The following CDH12 variants were observed in gnomAD, a reference collection of about 807,000 sequenced individuals.
The protein encoded by CDH12 is cadherin-12.
Under a neutral mutation model 74.1 loss-of-function variants are expected in CDH12, and 41 were observed. The ratio of observed to expected loss-of-function variants is 0.55; its 90% CI spans 0.43 to 0.72. The LOEUF (loss-of-function observed/expected upper bound fraction) is 0.72. Among genes scored for constraint, CDH12 ranks in the 30% least tolerant of loss-of-function variants. The probability of loss-of-function intolerance (pLI) is 0.00; values close to 1 mark genes in which losing one functional copy is unlikely to be tolerated. For synonymous variants in CDH12, 399 were observed against 355.0 expected (o/e 1.12, Z -1.39); for missense variants, 945 against 977.2 (o/e 0.97, Z 0.44).
chr5:22,049,787 TC>T (rs1227110204), intron 5 of CDH12, among the ~76,000 whole-genome samples: 1 of 152,054 alleles, frequency 6.6e-6, no homozygotes, highest in African/African-American at 2.4e-5. Flanking sequence ...ATCATCCCCT[TC>T]TTTTGAGAGA....
intron 1 of CDH12, among the ~76,000 whole-genome samples, chr5:22,511,503 C>CA (rs1234656705): frequency 1.3e-5 from 2 of 151,766 alleles, no homozygotes; most frequent in Non-Finnish European, 1.5e-5. Flanking sequence ...CAGAGAAATC[C>CA]AAAAAAAGCA....
chr5:22,585,238 C>T (rs1277233694), intron 1 of CDH12, among the ~76,000 whole-genome samples: 2 of 152,136 alleles, frequency 1.3e-5, no homozygotes, highest in Non-Finnish European at 2.9e-5. Context: ...ACTATGTCTT[C>T]CATTGTTGCT....
chr5:22,457,461 C>T (rs1745326795), intron 2 of CDH12, among the ~76,000 whole-genome samples: 1 of 151,776 alleles, frequency 6.6e-6, no homozygotes, highest in African/African-American at 2.4e-5. Context: ...TCTCTGTGGC[C>T]CAGGCTGGAG....
intron 4 of CDH12, among the ~76,000 whole-genome samples, chr5:22,107,133 CT>C (rs562097009): frequency 0.024 from 3,325 of 138,772 alleles, 40 homozygotes; most frequent in African/African-American, 0.041. Context: ...CACATTTCTA[CT>C]TTTTTTTTTT....
In CDH12 at chr5:21,823,267, T is replaced by C. The variant is rs554343564; in HGVS notation, c.815-6135A>G. On this transcript the variant is annotated intron_variant, in intron 8 of 14. Coordinates refer to ENST00000382254, the MANE Select transcript of CDH12 (RefSeq NM_004061.5). ...AGAATCCGAGCTGAGACAATACCAT[T>C]GGGTTCTGTGAGGTCAGCTAATAGA... is the stretch of plus-strand genomic sequence containing the variant. Among the ~76,000 whole-genome samples the C allele has an allele frequency of 2.0e-5, 3 of 152,100 alleles. No individual in the cohort carries two copies. In the South Asian group the frequency reaches 6.2e-4, roughly 31 times the overall value.
rs563179062 is a variant in CDH12, at chr5:21,842,309, C to T, written c.666G>A (p.Leu222=). 1.2e-5 allele frequency: 20 copies of T among 1,610,374 alleles called. No homozygotes were observed. Among genetic ancestry groups the T allele is most frequent in the African/African-American group, 2.7e-5 (2 of 74,872 alleles). The change falls in exon 8 of 15, where the codon TTG becomes TTA. Residue 222 remains leucine, a synonymous_variant. Transcript: ENST00000382254. The part of the protein sequence containing the change: ...DPKTGVIRTA[L]PNMDREVKEQ... ...CTTTGACTTCTCTGTCCATGTTTGGCAAAGCTGTTCTAATAACACCTTAAG... is the reference window on the plus strand; with the variant it reads ...CTTTGACTTCTCTGTCCATGTTTGGTAAAGCTGTTCTAATAACACCTTAAG...
At chr5:22,180,673 T>C (rs1349085225) in intron 4 of CDH12, among the ~76,000 whole-genome samples, 1 of 151,900 alleles carries the variant, frequency 6.6e-6, no homozygotes, top group Admixed American at 6.6e-5. Context: ...CCACAATGCC[T>C]GGCTAACTTT....
chr5:22,507,884 C>T (rs562405344), intron 1 of CDH12, among the ~76,000 whole-genome samples: 96 of 152,304 alleles, frequency 6.3e-4, no homozygotes, highest in Non-Finnish European at 1.1e-3. Flanking sequence ...CCATTTCTCG[C>T]CTCTTCCAGC....
chr5:21,968,897 G>A (rs1862533), intron 6 of CDH12, among the ~76,000 whole-genome samples: 2 of 151,806 alleles, frequency 1.3e-5, no homozygotes, highest in African/African-American at 2.4e-5. Context: ...CAAACACCAC[G>A]TGTTGTCTCT....
chr5:22,765,283 G>A (rs955088438), intron 1 of CDH12, among the ~76,000 whole-genome samples: 2 of 151,626 alleles, frequency 1.3e-5, no homozygotes, highest in East Asian at 1.9e-4. Flanking sequence ...TAAACCAAGG[G>A]GTGAATAAAA....
chr5:21,760,440 T>C (rs1744653148), intron 13 of CDH12, 118 bp downstream of exon 13: 3 of 667,624 alleles, frequency 4.5e-6, no homozygotes, highest in South Asian at 3.5e-5. Flanking sequence ...GCCTTTCTCA[T>C]GTAAGGATCT....
intron 1 of CDH12, among the ~76,000 whole-genome samples, chr5:22,581,172 G>A (rs1440180865): frequency 6.6e-6 from 1 of 152,202 alleles, no homozygotes; most frequent in Non-Finnish European, 1.5e-5. Flanking sequence ...GCATGTCAGA[G>A]GTCTTCACTG....
intron 1 of CDH12, among the ~76,000 whole-genome samples, chr5:22,795,326 G>C (rs1004452991): frequency 3.9e-5 from 6 of 152,178 alleles, no homozygotes; most frequent in African/African-American, 9.6e-5. Flanking sequence ...TCAGAAGTCA[G>C]AAACTTCAAA....
At chr5:22,568,992 C>T (rs1415396825) in intron 1 of CDH12, among the ~76,000 whole-genome samples, 1 of 152,190 alleles carries the variant, frequency 6.6e-6, no homozygotes, top group Non-Finnish European at 1.5e-5. Context: ...AAGGTTGTCG[C>T]AGCTGTGACA....
intron 2 of CDH12, among the ~76,000 whole-genome samples, chr5:22,440,106 G>C (rs1417071087): frequency 1.3e-5 from 2 of 152,028 alleles, no homozygotes; most frequent in Admixed American, 1.3e-4. Flanking sequence ...AAGAACATAA[G>C]ATGTGGTTCT....
At chr5:22,400,588 G>A (rs924748825) in intron 3 of CDH12, among the ~76,000 whole-genome samples, 3 of 151,976 alleles carry the variant, frequency 2.0e-5, no homozygotes, top group African/African-American at 7.2e-5. Context: ...GAACCACCAT[G>A]CCTGGCCTGT....
intron 3 of CDH12, among the ~76,000 whole-genome samples, chr5:22,236,207 C>T (rs189583425): frequency 3.0e-4 from 46 of 152,290 alleles, no homozygotes; most frequent in Non-Finnish European, 5.3e-4. Flanking sequence ...TACATTTAGG[C>T]TATACTAAAT....
chr5:22,178,759 A>G (rs1218187587), intron 4 of CDH12, among the ~76,000 whole-genome samples: 1 of 152,226 alleles, frequency 6.6e-6, no homozygotes, highest in Admixed American at 6.5e-5. Context: ...GTTCTACTAT[A>G]CCAAGAAAAG....
At chr5:22,771,536 A>T (rs1435450394) in intron 1 of CDH12, among the ~76,000 whole-genome samples, 1 of 151,990 alleles carries the variant, frequency 6.6e-6, no homozygotes, top group Admixed American at 6.6e-5. Flanking sequence ...ATTTTTTATT[A>T]CTCCTATAAC....
Sources: allele counts gnomAD v4.1 joint callset (sites outside exome capture counted in the v4.1 genomes callset), GRCh38; gene constraint gnomAD v4.1.1; transcripts MANE v1.5; gene names NCBI Gene and HGNC (gene_info 2026-07-23, HGNC 2026-07-21).